ACSM3: variants seen among roughly 807,000 people sequenced by gnomAD.
ACSM3 encodes acyl-CoA synthetase medium chain family member 3.
In ACSM3, 61 loss-of-function variants were observed where a neutral mutation model predicts 74.1. That is an observed-to-expected ratio of 0.82 (90% CI 0.67 to 1.02). ACSM3 has a LOEUF of 1.02. ACSM3 is among the 50% of genes least tolerant of loss of function. ACSM3 has a pLI of 0.00. For missense variants in ACSM3, 660 were observed against 697.0 expected (o/e 0.95, Z 0.60); for synonymous variants, 213 against 241.5 (o/e 0.88, Z 1.09).
intron 1 of ACSM3, among the ~76,000 whole-genome samples, chr16:20,713,041 C>G (rs1293699847): frequency 6.6e-6 from 1 of 152,120 alleles, no homozygotes; most frequent in Non-Finnish European, 1.5e-5. Flanking sequence ...TACTATTTGT[C>G]CAATCCCAAA....
At chr16:20,775,216 G>A (rs879531531) in intron 2 of ACSM3, among the ~76,000 whole-genome samples, 5 of 152,306 alleles carry the variant, frequency 3.3e-5, no homozygotes, top group Middle Eastern at 3.4e-3. Context: ...GCAAGATGTA[G>A]TATGGTAGTA....
chr16:20,725,255 G>A (rs960165322), intron 1 of ACSM3: 9 of 163,086 alleles, frequency 5.5e-5, no homozygotes, highest in Admixed American at 1.3e-4. Flanking sequence ...TAGTGACCAC[G>A]GGATGGGCAC....
intron 1 of ACSM3, among the ~76,000 whole-genome samples, chr16:20,716,066 C>T (rs1399778357): frequency 6.6e-6 from 1 of 152,118 alleles, no homozygotes; most frequent in Non-Finnish European, 1.5e-5. Context: ...AAAGTGAAAT[C>T]TATGAACCTT....
chr16:20,768,719 G>T (rs531228372), intron 1 of ACSM3, among the ~76,000 whole-genome samples: 4 of 152,084 alleles, frequency 2.6e-5, no homozygotes, highest in Non-Finnish European at 5.9e-5. Flanking sequence ...CCTGTCGAAT[G>T]ACAGTAAAAA....
In ACSM3 at chr16:20,797,577, A is replaced by G; in HGVS notation, c.*605A>G. The G allele has an allele frequency of 3.9e-6, 5 of 1,296,432 alleles. No homozygotes were observed. Among genetic ancestry groups the G allele is most frequent in the South Asian group, 2.7e-5 (1 of 36,682 alleles). 80.3% of individuals were successfully genotyped at this position (1,296,432 alleles called of 1,614,324 possible). A position where few individuals can be genotyped will look rare whatever the true frequency, so the allele number is the denominator to read the frequency against. ...TGTAATCTAATAAATACTGTTTACA[A>G]AAGATTACACTTGTGGTTCCTGAAG... On this transcript the variant is annotated 3_prime_UTR_variant, in exon 14 of 14. Transcript: ENST00000289416.
chr16:20,778,411 G>A (rs2080283023), intron 4 of ACSM3, among the ~76,000 whole-genome samples: 1 of 152,032 alleles, frequency 6.6e-6, no homozygotes, highest in Non-Finnish European at 1.5e-5. Context: ...TCCTAATATT[G>A]AGTTCTTGCC....
At chr16:20,744,160 T>C (rs1388988614) in intron 1 of ACSM3, among the ~76,000 whole-genome samples, 1 of 152,196 alleles carries the variant, frequency 6.6e-6, no homozygotes, top group African/African-American at 2.4e-5. Flanking sequence ...TCATCTGCTA[T>C]TGTTAGCATT....
intron 3 of ACSM3, among the ~76,000 whole-genome samples, chr16:20,755,879 C>T (rs367636917): frequency 2.7e-5 from 4 of 145,640 alleles, no homozygotes; most frequent in African/African-American, 1.0e-4. Flanking sequence ...TGAGAACATG[C>T]GGTGTTTGGT....
At chr16:20,717,910 AAGAAG>A (rs1269266222) in intron 1 of ACSM3, among the ~76,000 whole-genome samples, 4 of 149,264 alleles carry the variant, frequency 2.7e-5, no homozygotes, top group Non-Finnish European at 5.9e-5. Flanking sequence ...GGAGGAAAAA[AAGAAG>A]AAGAAGGAGG....
intron 1 of ACSM3, among the ~76,000 whole-genome samples, chr16:20,676,762 G>T (rs1312010659): frequency 1.3e-5 from 2 of 152,148 alleles, no homozygotes; most frequent in South Asian, 2.1e-4. Context: ...GCTGGCCAAG[G>T]CTAGAGAGAG....
intron 1 of ACSM3, chr16:20,681,311 T>C (rs1596944041): frequency 6.6e-6 from 1 of 152,302 alleles, no homozygotes; most frequent in East Asian, 1.9e-4. Context: ...ATGTGGAAAA[T>C]TTAATTTAAC....
intron 1 of ACSM3, chr16:20,682,512 T>C: frequency 6.6e-7 from 1 of 1,507,318 alleles, no homozygotes; most frequent in South Asian, 1.2e-5. Flanking sequence ...TTCACAACCA[T>C]GGGCTTTAGA....
chr16:20,720,765 T>C (rs1011489692), intron 1 of ACSM3, among the ~76,000 whole-genome samples: 1 of 152,254 alleles, frequency 6.6e-6, no homozygotes, highest in African/African-American at 2.4e-5. Context: ...ATCATGTGTG[T>C]ATTTCAAGTG....
chr16:20,721,440 T>A (rs1487342906), intron 1 of ACSM3: 1 of 152,182 alleles, frequency 6.6e-6, no homozygotes, highest in Non-Finnish European at 1.5e-5. Flanking sequence ...AGGGTAGTAA[T>A]AGCCCTGAGA....
chr16:20,729,846 A>G (rs2079820262), intron 1 of ACSM3, among the ~76,000 whole-genome samples: 1 of 151,862 alleles, frequency 6.6e-6, no homozygotes, highest in Non-Finnish European at 1.5e-5. Flanking sequence ...GCCACATCCA[A>G]GGGTTCATGT....
At position 20,741,687 on chromosome 16, in the gene ACSM3, C is replaced by T. The variant is rs781577178; in HGVS notation, c.-189-8223C>T. ...CTTGGCCAGCACATACTGAGCCTTG[C>T]CTTTGCGCTTCCCGCCGCCAGGCTG... On this transcript the variant is annotated intron_variant, in intron 1 of 3. Transcript: ENST00000561584. 2.5e-6 allele frequency: 4 copies of T among 1,582,328 alleles called. No homozygotes were observed. The South Asian group carries it at 3.5e-5, about 14-fold the overall frequency.
chr16:20,718,127 G>A (rs1416094976), intron 1 of ACSM3, among the ~76,000 whole-genome samples: 2 of 151,678 alleles, frequency 1.3e-5, no homozygotes, highest in Non-Finnish European at 2.9e-5. Flanking sequence ...AAGAAGAAAA[G>A]AAAAGGAGAA....
At chr16:20,769,138 T>G (rs1309380890) in intron 1 of ACSM3, among the ~76,000 whole-genome samples, 1 of 152,242 alleles carries the variant, frequency 6.6e-6, no homozygotes, top group African/African-American at 2.4e-5. Flanking sequence ...GAATGATGAT[T>G]TAATGATTAT....
At chr16:20,782,036 G>A (rs2080364130) in intron 7 of ACSM3, among the ~76,000 whole-genome samples, 1 of 152,150 alleles carries the variant, frequency 6.6e-6, no homozygotes, top group Admixed American at 6.5e-5. Context: ...CAGTGGTTAT[G>A]GGTAAGAAGA....
Sources: allele counts gnomAD v4.1 joint callset (sites outside exome capture counted in the v4.1 genomes callset), GRCh38; gene constraint gnomAD v4.1.1; transcripts MANE v1.5; gene names NCBI Gene and HGNC (gene_info 2026-07-23, HGNC 2026-07-21).